Variants in ANKRD55 observed in about 807,000 individuals in gnomAD.
The protein encoded by ANKRD55 is ankyrin repeat domain 55.
Under a neutral mutation model 60.6 loss-of-function variants are expected in ANKRD55, and 41 were observed. The observed-to-expected ratio is 0.68, with a 90% CI of 0.53 to 0.88. The LOEUF (loss-of-function observed/expected upper bound fraction) is 0.88, where lower values mean the gene tolerates loss of function less well. Among genes scored for constraint, ANKRD55 ranks in the 40% least tolerant of loss-of-function variants. The probability of loss-of-function intolerance (pLI) is 0.00; values close to 1 mark genes in which losing one functional copy is unlikely to be tolerated. For missense variants in ANKRD55, 732 were observed against 767.6 expected, an observed-to-expected ratio of 0.95 and a Z score of 0.55; for synonymous variants, 264 against 290.3, an observed-to-expected ratio of 0.91 and a Z score of 0.92.
chr5:56,112,368 A>T (rs1308881324), intron 9 of ANKRD55, among the ~76,000 whole-genome samples: 2 of 151,950 alleles, frequency 1.3e-5, no homozygotes, highest in Non-Finnish European at 2.9e-5. Flanking sequence ...AAGTACTTTT[A>T]AAAAAAGTAT....
At chr5:56,168,970 C>T (rs1453595397) in intron 5 of ANKRD55, among the ~76,000 whole-genome samples, 1 of 152,266 alleles carries the variant, frequency 6.6e-6, no homozygotes, top group Non-Finnish European at 1.5e-5. Flanking sequence ...GATTCTCCTG[C>T]TTCAGCCTCC....
intron 2 of ANKRD55, among the ~76,000 whole-genome samples, chr5:56,212,470 A>G (rs1383667823): frequency 1.3e-5 from 2 of 152,244 alleles, no homozygotes; most frequent in Non-Finnish European, 2.9e-5. Flanking sequence ...AAGCAAAAAG[A>G]AATGAAATGT....
intron 2 of ANKRD55, among the ~76,000 whole-genome samples, chr5:56,220,686 G>A (rs897937191): frequency 2.6e-4 from 40 of 152,098 alleles, no homozygotes; most frequent in African/African-American, 8.2e-4. Flanking sequence ...GATGGTGGGC[G>A]TCTGTAATCC....
At chr5:56,142,200 T>C (rs2111756813) in intron 7 of ANKRD55, among the ~76,000 whole-genome samples, 1 of 152,216 alleles carries the variant, frequency 6.6e-6, no homozygotes, top group East Asian at 1.9e-4. Context: ...TGGTGGTGTG[T>C]GCCTATAATC....
intron 2 of ANKRD55, among the ~76,000 whole-genome samples, chr5:56,201,016 A>T (rs1759353134): frequency 6.6e-6 from 1 of 152,206 alleles, no homozygotes; most frequent in African/African-American, 2.4e-5. Flanking sequence ...AAGGCTACAG[A>T]GTTTCTGTCC....
chr5:56,196,812 A>G (rs180703410), intron 2 of ANKRD55, among the ~76,000 whole-genome samples: 52 of 152,292 alleles, frequency 3.4e-4, no homozygotes, highest in African/African-American at 1.2e-3. Context: ...ATTCTAACTT[A>G]AGCATGGGGC....
intron 7 of ANKRD55, among the ~76,000 whole-genome samples, chr5:56,142,360 A>G (rs2111757237): frequency 6.6e-6 from 1 of 152,082 alleles, no homozygotes; most frequent in Non-Finnish European, 1.5e-5. Flanking sequence ...CTAAACAACA[A>G]CAACAAAAAC....
At chr5:56,130,186 T>A (rs1429762669) in intron 7 of ANKRD55, among the ~76,000 whole-genome samples, 2 of 152,010 alleles carry the variant, frequency 1.3e-5, no homozygotes, top group East Asian at 3.9e-4. Context: ...GGGGAAAAGG[T>A]ACCTTTTTTT....
At chr5:56,117,949 C>A (rs1003312370) in intron 8 of ANKRD55, among the ~76,000 whole-genome samples, 1 of 152,068 alleles carries the variant, frequency 6.6e-6, no homozygotes. Context: ...TCAAGAGCAG[C>A]CTGGCCAACA....
intron 8 of ANKRD55, among the ~76,000 whole-genome samples, chr5:56,124,251 T>C (rs1757167193): frequency 6.6e-6 from 1 of 152,156 alleles, no homozygotes; most frequent in Non-Finnish European, 1.5e-5. Context: ...TTCTGTGTCA[T>C]ATCTTAGGTA....
chr5:56,117,918 G>T (rs1756926699), intron 8 of ANKRD55, among the ~76,000 whole-genome samples: 2 of 152,240 alleles, frequency 1.3e-5, no homozygotes, highest in South Asian at 4.1e-4. Flanking sequence ...TGAGGCAGAT[G>T]GATCATCTGA....
At position 56,131,795 on chromosome 5, in the gene ANKRD55, C is replaced by CAAAAAA; in HGVS notation, c.613-4695_613-4690dup. On this transcript the variant is annotated intron_variant, in intron 7 of 11. Transcript: ENST00000341048. ...TGGGCAACAGAGCAAGACTCCGTCT[C>CAAAAAA]AAAAAAAAAAAAAAAAAAAAAAAAA... Among the ~76,000 whole-genome samples, 68 of 26,774 alleles carry CAAAAAA rather than the reference C, an allele frequency of 2.5e-3. 5 individuals are homozygous for CAAAAAA. The highest frequency in any genetic ancestry group is 2.9e-3 in the Non-Finnish European group (42 of 14,508). The allele number at this position is 26,774 out of a possible 152,430, so 17.6% of individuals were successfully genotyped here.
At chr5:56,194,708 C>T (rs1759190759) in intron 2 of ANKRD55, among the ~76,000 whole-genome samples, 1 of 152,164 alleles carries the variant, frequency 6.6e-6, no homozygotes, top group Non-Finnish European at 1.5e-5. Context: ...TCACAGCATT[C>T]TGTAAACATG....
intron 5 of ANKRD55, among the ~76,000 whole-genome samples, chr5:56,163,571 A>G (rs1235127374): frequency 6.6e-6 from 1 of 152,232 alleles, no homozygotes; most frequent in Non-Finnish European, 1.5e-5. Flanking sequence ...GAGCAGTCCC[A>G]GACAGGTGGT....
At chr5:56,201,517 C>A (rs555765751) in intron 2 of ANKRD55, among the ~76,000 whole-genome samples, 2 of 152,330 alleles carry the variant, frequency 1.3e-5, no homozygotes, top group African/African-American at 4.8e-5. Flanking sequence ...TGGGGCCTCA[C>A]CTCTAGAGTC....
chr5:56,112,504 C>CAAAAAAAA lies in ANKRD55; in HGVS notation c.966-730_966-723dup, dbSNP rs1187255213. On this transcript the variant is annotated intron_variant, in intron 9 of 11. Transcript: ENST00000341048. ...CAACATGGCAGGATCTCATCTCTAG[C>CAAAAAAAA]AAAAAAAAAAAAAAAAAACAACCAA... 7.0e-4 allele frequency among the ~76,000 whole-genome samples: 18 copies of CAAAAAAAA among 25,666 alleles called. 1 individual carries two copies. Among genetic ancestry groups the CAAAAAAAA allele is most frequent in the African/African-American group, 1.4e-3 (8 of 5,530 alleles). 16.8% of individuals were successfully genotyped at this position (25,666 alleles called of 152,430 possible).
chr5:56,125,812 A>C (rs925567938), intron 8 of ANKRD55: 2 of 152,180 alleles, frequency 1.3e-5, no homozygotes, highest in Non-Finnish European at 2.9e-5. Flanking sequence ...ATCTGGGAGT[A>C]GGAGGTGCTT....
At chr5:56,199,948 C>T (rs566889784) in intron 2 of ANKRD55, among the ~76,000 whole-genome samples, 130 of 151,566 alleles carry the variant, frequency 8.6e-4, no homozygotes, top group African/African-American at 3.0e-3. Context: ...AGTTGGAGAC[C>T]AGCCTGAGCA....
chr5:56,100,210 A>G lies in ANKRD55; in HGVS notation c.1818T>C (p.Ser606=). 1 of 1,614,212 alleles carries G rather than the reference A, an allele frequency of 6.2e-7. No homozygotes were observed. The highest frequency in any genetic ancestry group is 8.5e-7 in the Non-Finnish European group (1 of 1,180,026). Residue 606 remains serine (S), a synonymous_variant, in exon 12 of 12, where the codon TCT becomes TCC. Coordinates refer to ENST00000341048, the MANE Select transcript of ANKRD55 (RefSeq NM_024669.3). The part of the protein sequence containing the change: ...HSTAAEESEH[S]ANPTSDEN Reference sequence around the variant, plus strand: ...AATTTTCATCACTGGTGGGGTTGGCAGAATGTTCACTCTCTTCTGCTGCTG... The same window carrying G: ...AATTTTCATCACTGGTGGGGTTGGCGGAATGTTCACTCTCTTCTGCTGCTG...
Sources: gnomAD v4.1 joint callset for allele counts (sites outside exome capture counted in the v4.1 genomes callset) on GRCh38, gnomAD v4.1.1 for gene constraint, MANE v1.5 for transcripts, NCBI Gene and HGNC (gene_info 2026-07-23, HGNC 2026-07-21) for gene names.